Variants in MYH10 observed in about 807,000 individuals in gnomAD.
MYH10 encodes myosin-10.
A neutral mutation model predicts 257.8 loss-of-function variants in MYH10; 55 were observed. The ratio of observed to expected loss-of-function variants is 0.21; its 90% CI spans 0.17 to 0.27. MYH10 has a LOEUF of 0.27. Among genes scored for constraint, MYH10 ranks in the 10% least tolerant of loss-of-function variants. The probability of loss-of-function intolerance (pLI) is 1.00; values close to 1 mark genes in which losing one functional copy is unlikely to be tolerated. For synonymous variants in MYH10, 854 were observed against 921.7 expected, an observed-to-expected ratio of 0.93 and a Z score of 1.33; for missense variants, 1,631 against 2,500.6, an observed-to-expected ratio of 0.65 and a Z score of 7.42.
rs780930256 is a variant in MYH10, at chr17:8,509,806, T to C, written c.3090+6A>G. ...AAATCAGCTTTTTGTGGGAACACTC[T>C]CTTACTTTGATGAACTTGGAATTTT... On this transcript the variant is annotated splice_donor_region_variant and intron_variant, in intron 25 of 42. Transcript: ENST00000360416. 3.5e-5 allele frequency: 57 copies of C among 1,606,476 alleles called. No homozygotes were observed. Among genetic ancestry groups the C allele is most frequent in the Non-Finnish European group, 4.8e-5 (56 of 1,176,672 alleles).
At chr17:8,498,615 AG>A (rs888969369) in intron 30 of MYH10, among the ~76,000 whole-genome samples, 3 of 151,966 alleles carry the variant, frequency 2.0e-5, no homozygotes, top group Non-Finnish European at 4.4e-5. Context: ...TGGGAGGCTG[AG>A]GGGGGCGGAT....
At chr17:8,588,815 T>C (rs1209019545) in intron 4 of MYH10, among the ~76,000 whole-genome samples, 2 of 152,188 alleles carry the variant, frequency 1.3e-5, no homozygotes, top group East Asian at 3.8e-4. Context: ...TACTGAAACG[T>C]CCAGTAGGCC....
At position 8,509,171 on chromosome 17, in the gene MYH10, T is replaced by C. The variant is rs2132098; in HGVS notation, c.3091-494A>G. Among the ~76,000 whole-genome samples, 1,241 of 152,288 alleles carry C rather than the reference T, an allele frequency of 8.1e-3. 21 individuals are homozygous for C. Among genetic ancestry groups the C allele is most frequent in the African/African-American group, 0.027 (1,135 of 41,552 alleles). On this transcript the variant is annotated intron_variant, in intron 25 of 42. Transcript: ENST00000360416. Reference sequence around the variant, plus strand: ...TTTTCTATCATATTTTTACTGGACTTTTGTGTGGATATGTTTAGATACACA... The same window carrying C: ...TTTTCTATCATATTTTTACTGGACTCTTGTGTGGATATGTTTAGATACACA...
At chr17:8,512,170 T>G (rs141452076) in intron 24 of MYH10, among the ~76,000 whole-genome samples, 3 of 152,356 alleles carry the variant, frequency 2.0e-5, no homozygotes, top group East Asian at 3.9e-4. Flanking sequence ...CAGAATGCTA[T>G]AGATCCTGGG....
chr17:8,482,128 T>C (rs1249928956), intron 37 of MYH10, among the ~76,000 whole-genome samples: 2 of 152,194 alleles, frequency 1.3e-5, no homozygotes, highest in Non-Finnish European at 2.9e-5. Context: ...AGGGTGCATT[T>C]ATCTTATAAA....
At chr17:8,492,649 G>A in intron 33 of MYH10, 127 bp downstream of exon 33, 1 of 708,802 alleles carries the variant, frequency 1.4e-6, no homozygotes, top group South Asian at 4.0e-5. Flanking sequence ...TTTTTTTTTT[G>A]CTTTCCCTTT....
chr17:8,551,808 A>T (rs1452035005), intron 9 of MYH10, among the ~76,000 whole-genome samples: 1 of 152,188 alleles, frequency 6.6e-6, no homozygotes, highest in Non-Finnish European at 1.5e-5. Context: ...AATTTAAAAA[A>T]TTTTAAAAAA....
chr17:8,586,868 G>A (rs2083931625), intron 4 of MYH10, among the ~76,000 whole-genome samples: 1 of 152,146 alleles, frequency 6.6e-6, no homozygotes, highest in Admixed American at 6.5e-5. Context: ...TCTCCACCTG[G>A]TTTTGTTTGT....
intron 4 of MYH10, among the ~76,000 whole-genome samples, chr17:8,579,773 T>G (rs145285914): frequency 6.6e-6 from 1 of 152,232 alleles, no homozygotes; most frequent in Non-Finnish European, 1.5e-5. Context: ...CATTTTTATA[T>G]CATCTGTATT....
intron 16 of MYH10, among the ~76,000 whole-genome samples, chr17:8,531,479 C>A (rs943299043): frequency 3.0e-4 from 46 of 151,642 alleles, no homozygotes; most frequent in African/African-American, 1.0e-3. Flanking sequence ...GGGCTGCCAC[C>A]AATAAATCTT....
At chr17:8,484,302 AT>A (rs890708496) in intron 36 of MYH10, 36 bp from the exon 37 acceptor site, 5 of 1,577,280 alleles carry the variant, frequency 3.2e-6, no homozygotes, top group Non-Finnish European at 3.4e-6. Flanking sequence ...GGTGGTTTAC[AT>A]TCTTAGTTTT....
intron 17 of MYH10, among the ~76,000 whole-genome samples, chr17:8,527,814 TCTC>T (rs2081897027): frequency 6.6e-6 from 1 of 152,250 alleles, no homozygotes; most frequent in African/African-American, 2.4e-5. Flanking sequence ...AAGCGCTGCT[TCTC>T]CTCGGTGAGT....
chr17:8,618,780 T>C (rs2085359059), intron 2 of MYH10, among the ~76,000 whole-genome samples: 1 of 152,240 alleles, frequency 6.6e-6, no homozygotes. Context: ...CCACTTTCAT[T>C]ATTATCACCA....
intron 36 of MYH10, among the ~76,000 whole-genome samples, 157 bp downstream of exon 36, chr17:8,487,276 A>C (rs531673275): frequency 6.6e-6 from 1 of 152,302 alleles, no homozygotes; most frequent in South Asian, 2.1e-4. Context: ...TCCTGTGGAC[A>C]CAGCGGACAC....
At chr17:8,550,462 G>A (rs959694446) in intron 9 of MYH10, among the ~76,000 whole-genome samples, 11 of 151,348 alleles carry the variant, frequency 7.3e-5, no homozygotes, top group Non-Finnish European at 8.8e-5. Flanking sequence ...CAGCCGCCCC[G>A]TCTGAGAAGT....
intron 3 of MYH10, among the ~76,000 whole-genome samples, chr17:8,602,713 G>C (rs2084657827): frequency 6.6e-6 from 1 of 152,110 alleles, no homozygotes; most frequent in Admixed American, 6.5e-5. Flanking sequence ...TATTATTGTG[G>C]ATAAGAATGT....
chr17:8,481,415 G>A lies in MYH10; in HGVS notation c.5176-5C>T, dbSNP rs765878776. On this transcript the variant is annotated splice_region_variant and splice_polypyrimidine_tract_variant and intron_variant, in intron 37 of 42. Transcript: ENST00000360416. Reference sequence around the variant, plus strand: ...TCGCTCAGATGAGGCAAGTTCCTAAGCAGTGGAGACTGCGTTAAGCTCTGG... The same window carrying A: ...TCGCTCAGATGAGGCAAGTTCCTAAACAGTGGAGACTGCGTTAAGCTCTGG... The A allele has an allele frequency of 1.2e-6, 2 of 1,613,666 alleles. No individual in the cohort carries two copies. The highest frequency in any genetic ancestry group is 1.3e-5 in the African/African-American group (1 of 74,946).
At chr17:8,615,577 C>T (rs951545581) in intron 2 of MYH10, among the ~76,000 whole-genome samples, 50 of 152,264 alleles carry the variant, frequency 3.3e-4, no homozygotes, top group African/African-American at 1.0e-3. Context: ...ATCTAGGAAT[C>T]TCACTCTCTC....
chr17:8,492,878 G>A lies in MYH10; in HGVS notation c.4356C>T (p.Thr1452=). Reference sequence around the variant, plus strand: ...CCAGCTCCTGCTGCAGGCGGTTCTTGGTCTTCTCCAGTTTGTCATACGCCA... The same window carrying A: ...CCAGCTCCTGCTGCAGGCGGTTCTTAGTCTTCTCCAGTTTGTCATACGCCA... The part of the protein sequence containing the change: ...KALAYDKLEK[T]KNRLQQELDD... The change falls in exon 33 of 43, where the codon ACC becomes ACT. Residue 1452 remains threonine, a synonymous_variant. Coordinates refer to ENST00000360416, the MANE Select transcript of MYH10 (RefSeq NM_001256012.3). The A allele has an allele frequency of 1.2e-6, 2 of 1,614,016 alleles. No homozygotes were observed. The highest frequency in any genetic ancestry group is 1.7e-6 in the Non-Finnish European group (2 of 1,179,992).
Sources: allele counts gnomAD v4.1 joint callset (sites outside exome capture counted in the v4.1 genomes callset), GRCh38; gene constraint gnomAD v4.1.1; transcripts MANE v1.5; gene names NCBI Gene and HGNC (gene_info 2026-07-23, HGNC 2026-07-21).